SUGCT: variants seen among roughly 807,000 people sequenced by gnomAD.
SUGCT encodes the protein succinyl-CoA:glutarate-CoA transferase.
In SUGCT, 41 loss-of-function variants were observed where a neutral mutation model predicts 55.0. The ratio of observed to expected loss-of-function variants is 0.74; its 90% CI spans 0.58 to 0.97. The LOEUF (loss-of-function observed/expected upper bound fraction) is 0.97. SUGCT is among the 50% of genes least tolerant of loss of function. The probability of loss-of-function intolerance (pLI) is 0.00; values close to 1 mark genes in which losing one functional copy is unlikely to be tolerated. For synonymous variants in SUGCT, 187 were observed against 200.4 expected, an observed-to-expected ratio of 0.93 and a Z score of 0.56; for missense variants, 568 against 547.8, an observed-to-expected ratio of 1.04 and a Z score of -0.37.
chr7:40,158,043 T>C (rs1296718598), intron 1 of SUGCT, among the ~76,000 whole-genome samples: 1 of 151,846 alleles, frequency 6.6e-6, no homozygotes, highest in Non-Finnish European at 1.5e-5. Context: ...CCCGTCTTTA[T>C]TAAAAATACA....
chr7:40,188,021 C>T lies in SUGCT; in HGVS notation c.227-474C>T, dbSNP rs111514707. Among the ~76,000 whole-genome samples the T allele has an allele frequency of 5.4e-3, 815 of 151,996 alleles. 10 individuals are homozygous for T. The highest frequency in any genetic ancestry group is 0.018 in the African/African-American group (763 of 41,456). On this transcript the variant is annotated intron_variant, in intron 3 of 13. Transcript: ENST00000335693. ...CTCTACTAAAAATACAAAAATTAGC[C>T]GGGCATGTTGGCGGGTACCTGTAAT...
At chr7:40,288,615 T>C (rs1187344217) in intron 8 of SUGCT, among the ~76,000 whole-genome samples, 1 of 152,100 alleles carries the variant, frequency 6.6e-6, no homozygotes, top group East Asian at 1.9e-4. Flanking sequence ...CTTTATTTCA[T>C]CTTTTTTGAG....
At chr7:40,973,978 G>A in the SUGCT span, among the ~76,000 whole-genome samples, 1 of 152,194 alleles carries the variant, frequency 6.6e-6, no homozygotes, top group African/African-American at 2.4e-5. Flanking sequence ...AATAGTGATT[G>A]TTCATAGTTA....
chr7:40,242,928 TATATA>T (rs1202190315), intron 7 of SUGCT, among the ~76,000 whole-genome samples: 90 of 36,936 alleles, frequency 2.4e-3, no homozygotes, highest in African/African-American at 6.8e-3. Context: ...TATATATATA[TATATA>T]TTTTTTTTTT....
chr7:41,002,413 C>T, the SUGCT span, among the ~76,000 whole-genome samples: 5 of 152,134 alleles, frequency 3.3e-5, no homozygotes, highest in African/African-American at 1.2e-4. Context: ...AAGCTCCTGG[C>T]TGATTGCTTA....
chr7:40,772,495 TATC>T (rs1789159555), intron 13 of SUGCT, among the ~76,000 whole-genome samples: 1 of 5,544 alleles, frequency 1.8e-4, no homozygotes, highest in Non-Finnish European at 4.2e-4. Context: ...TCTTTTGAAA[TATC>T]TATCTATCTA....
intron 12 of SUGCT, among the ~76,000 whole-genome samples, chr7:40,507,413 C>A (rs1201826652): frequency 6.6e-6 from 1 of 152,070 alleles, no homozygotes; most frequent in Non-Finnish European, 1.5e-5. Context: ...TTGTTCTTAG[C>A]CAGTTATATT....
chr7:40,787,030 C>T (rs1790049327), intron 13 of SUGCT, among the ~76,000 whole-genome samples: 2 of 152,188 alleles, frequency 1.3e-5, no homozygotes, highest in Middle Eastern at 3.2e-3. Flanking sequence ...TCTGTCTTGA[C>T]TCTCAGTCCT....
At chr7:40,330,825 G>T (rs1415581586) in intron 9 of SUGCT, among the ~76,000 whole-genome samples, 6 of 152,008 alleles carry the variant, frequency 3.9e-5, no homozygotes. Flanking sequence ...AAATAATTAA[G>T]GTCACCATAG....
At chr7:40,967,639 G>A in the SUGCT span, among the ~76,000 whole-genome samples, 1 of 101,350 alleles carries the variant, frequency 9.9e-6, no homozygotes, top group African/African-American at 4.2e-5. Flanking sequence ...TTTTTTTTTT[G>A]AGAAGGAGTC....
At chr7:40,555,582 C>A (rs892513149) in intron 12 of SUGCT, among the ~76,000 whole-genome samples, 11 of 152,062 alleles carry the variant, frequency 7.2e-5, no homozygotes, top group Non-Finnish European at 1.3e-4. Flanking sequence ...ATCACAGTCT[C>A]CTGCGGAGCT....
chr7:40,935,063 A>T, the SUGCT span, among the ~76,000 whole-genome samples: 1 of 152,210 alleles, frequency 6.6e-6, no homozygotes, highest in Non-Finnish European at 1.5e-5. Flanking sequence ...GAATGGACCC[A>T]AAACTCTAAT....
intron 13 of SUGCT, among the ~76,000 whole-genome samples, chr7:40,809,473 A>C (rs1791289549): frequency 6.6e-6 from 1 of 152,158 alleles, no homozygotes; most frequent in Non-Finnish European, 1.5e-5. Flanking sequence ...AAAGTAACTT[A>C]TTTTTCTACC....
At chr7:40,911,050 C>T in the SUGCT span, among the ~76,000 whole-genome samples, 1 of 152,094 alleles carries the variant, frequency 6.6e-6, no homozygotes, top group African/African-American at 2.4e-5. Context: ...AACCTTTGTA[C>T]CCCCTCCCAT....
At chr7:40,317,697 A>G (rs990509655) in intron 9 of SUGCT, among the ~76,000 whole-genome samples, 2 of 152,178 alleles carry the variant, frequency 1.3e-5, no homozygotes, top group Non-Finnish European at 2.9e-5. Flanking sequence ...AGCATTTTTC[A>G]TTTGCCAGGA....
intron 12 of SUGCT, among the ~76,000 whole-genome samples, chr7:40,681,937 T>A (rs1405710873): frequency 3.3e-5 from 5 of 152,080 alleles, no homozygotes; most frequent in Non-Finnish European, 2.9e-5. Flanking sequence ...GCAGATCTGT[T>A]TGGTGGGGGT....
intron 13 of SUGCT, among the ~76,000 whole-genome samples, chr7:40,831,477 G>T (rs1792660957): frequency 6.6e-6 from 1 of 152,214 alleles, no homozygotes; most frequent in African/African-American, 2.4e-5. Context: ...AAATGGGTTT[G>T]TTTGCTAGAA....
chr7:40,550,517 G>A (rs1583961542), intron 12 of SUGCT, among the ~76,000 whole-genome samples: 1 of 152,286 alleles, frequency 6.6e-6, no homozygotes, highest in Non-Finnish European at 1.5e-5. Context: ...GCCTGCTTGG[G>A]TAGAGGAGAG....
chr7:40,405,757 C>T (rs576038115), intron 9 of SUGCT, among the ~76,000 whole-genome samples: 4 of 136,464 alleles, frequency 2.9e-5, no homozygotes, highest in Admixed American at 2.5e-4. Flanking sequence ...TTGCAGTGAG[C>T]GGAGATAGCG....
Sources: allele counts gnomAD v4.1 joint callset (sites outside exome capture counted in the v4.1 genomes callset), GRCh38; gene constraint gnomAD v4.1.1; transcripts MANE v1.5; gene names NCBI Gene and HGNC (gene_info 2026-07-23, HGNC 2026-07-21).